NUDT7: variants seen among roughly 807,000 people sequenced by gnomAD.
NUDT7 encodes peroxisomal coenzyme A diphosphatase NUDT7.
Under a neutral mutation model 13.1 loss-of-function variants are expected in NUDT7, and 19 were observed. The ratio of observed to expected loss-of-function variants is 1.45; its 90% confidence interval spans 1.01 to 2.13. The LOEUF (loss-of-function observed/expected upper bound fraction) is 2.13. NUDT7 is among the 30% of genes most tolerant of loss of function. NUDT7 has a pLI of 0.00. For missense variants in NUDT7, 360 were observed against 291.7 expected (o/e 1.23, Z -1.71); for synonymous variants, 132 against 109.7 (o/e 1.20, Z -1.27).
chr16:77,729,208 A>C (rs2014236072), intron 2 of NUDT7, among the ~76,000 whole-genome samples: 1 of 152,206 alleles, frequency 6.6e-6, no homozygotes, highest in South Asian at 2.1e-4. Flanking sequence ...TTTTCTTCAA[A>C]ACAGCGTAAT....
intron 3 of NUDT7, 138 bp downstream of exon 3, chr16:77,736,124 A>G: frequency 3.9e-6 from 3 of 777,886 alleles, no homozygotes; most frequent in Non-Finnish European, 6.1e-6. Context: ...TCCTACAGAC[A>G]TTGCCCCTCA....
At position 77,725,571 on chromosome 16, in the gene NUDT7, T is replaced by G. The variant is rs2014108022; in HGVS notation, c.176T>G (p.Val59Gly). The G allele has an allele frequency of 6.2e-7, 1 of 1,613,910 alleles. No individual in the cohort carries two copies. The highest frequency in any genetic ancestry group is 1.7e-5 in the Admixed American group (1 of 59,990). ...KEGKLHLLFT[V>G]RSEKLRRAPG... ...GGAAAACTCCATTTGTTGTTCACCGTCCGGTCAGAGAAGGTAGGTGGACAA... is the reference window on the plus strand; with the variant it reads ...GGAAAACTCCATTTGTTGTTCACCGGCCGGTCAGAGAAGGTAGGTGGACAA... Residue 59 changes from valine to glycine, a missense_variant, in exon 2 of 4, where the codon GTC becomes GGC. Val to Gly is a moderately radical substitution (Grantham distance 109, BLOSUM62 -3). Coordinates refer to ENST00000268533, the MANE Select transcript of NUDT7 (RefSeq NM_001105663.3).
intron 3 of NUDT7, among the ~76,000 whole-genome samples, chr16:77,740,981 T>C (rs2014640963): frequency 6.6e-6 from 1 of 152,236 alleles, no homozygotes; most frequent in African/African-American, 2.4e-5. Context: ...TATGTGTATG[T>C]ACTATGAAAT....
chr16:77,741,889 T>C lies in NUDT7; in HGVS notation c.656T>C (p.Val219Ala), dbSNP rs1389324370. 8 of 1,613,876 alleles carry C rather than the reference T, an allele frequency of 5.0e-6. No homozygotes were observed. Among genetic ancestry groups the C allele is most frequent in the Non-Finnish European group, 6.8e-6 (8 of 1,179,974 alleles). Reference protein sequence around the residue: ...TFEVQFNLNDVLASSEELFLK... With the variant: ...TFEVQFNLNDALASSEELFLK... Reference sequence around the variant, plus strand: ...GAGGTTCAATTTAATCTTAATGATGTATTAGCATCCTCTGAAGAGTTATTC... The same window carrying C: ...GAGGTTCAATTTAATCTTAATGATGCATTAGCATCCTCTGAAGAGTTATTC... The change falls in exon 4 of 4, where the codon GTA (valine) becomes GCA (alanine). Residue 219 changes from valine to alanine, a missense_variant. By Grantham distance (64) the Val-to-Ala change is moderately conservative. Transcript: ENST00000268533.
At chr16:77,724,954 T>A (rs144923309) in intron 1 of NUDT7, among the ~76,000 whole-genome samples, 8 of 152,254 alleles carry the variant, frequency 5.3e-5, no homozygotes, top group African/African-American at 1.9e-4. Context: ...AACCTCGCAG[T>A]CTATGTGACA....
intron 3 of NUDT7, among the ~76,000 whole-genome samples, chr16:77,739,062 C>T (rs1186340426): frequency 2.0e-5 from 3 of 152,202 alleles, no homozygotes; most frequent in Non-Finnish European, 2.9e-5. Flanking sequence ...ATTTACTGAG[C>T]ATACATTGTT....
chr16:77,723,048 C>T (rs1238627576), intron 1 of NUDT7, among the ~76,000 whole-genome samples: 1 of 152,168 alleles, frequency 6.6e-6, no homozygotes, highest in Non-Finnish European at 1.5e-5. Context: ...ACTTGCCGGG[C>T]TGTTGTGAGG....
intron 2 of NUDT7, among the ~76,000 whole-genome samples, chr16:77,732,405 A>G (rs1261569082): frequency 6.6e-6 from 1 of 152,160 alleles, no homozygotes; most frequent in Non-Finnish European, 1.5e-5. Flanking sequence ...AGTCTAGAGC[A>G]GTGTTTAATG....
chr16:77,740,019 T>C (rs1400289566), intron 3 of NUDT7, among the ~76,000 whole-genome samples: 3 of 152,110 alleles, frequency 2.0e-5, no homozygotes, highest in Non-Finnish European at 2.9e-5. Context: ...TCTTAAAAAA[T>C]CACTTGCATC....
At chr16:77,738,701 A>C (rs2014566100) in intron 3 of NUDT7, among the ~76,000 whole-genome samples, 1 of 152,172 alleles carries the variant, frequency 6.6e-6, no homozygotes, top group Non-Finnish European at 1.5e-5. Flanking sequence ...CAGCCTCCAG[A>C]GTAGCTACCT....
intron 3 of NUDT7, among the ~76,000 whole-genome samples, chr16:77,739,679 C>T (rs963320123): frequency 1.3e-5 from 2 of 152,154 alleles, no homozygotes; most frequent in South Asian, 2.1e-4. Flanking sequence ...TACCCAGCCC[C>T]TATTCAAGAT....
intron 2 of NUDT7, among the ~76,000 whole-genome samples, chr16:77,733,289 A>C (rs2145118381): frequency 6.6e-6 from 1 of 152,334 alleles, no homozygotes; most frequent in Admixed American, 6.5e-5. Flanking sequence ...TGGGAAGTCC[A>C]AGATCAAGCT....
At chr16:77,736,025 C>G (rs757887899) in intron 3 of NUDT7, 39 bp downstream of exon 3, 1 of 1,584,660 alleles carries the variant, frequency 6.3e-7, no homozygotes, top group South Asian at 1.1e-5. Flanking sequence ...ACCGTCCCCA[C>G]CCCCAGGTGG....
intron 2 of NUDT7, among the ~76,000 whole-genome samples, chr16:77,730,817 A>G (rs957663858): frequency 2.6e-5 from 4 of 152,010 alleles, no homozygotes; most frequent in African/African-American, 9.7e-5. Flanking sequence ...GGTGTGACGT[A>G]ATGTCTCTCT....
At chr16:77,734,428 T>C (rs990149928) in intron 2 of NUDT7, among the ~76,000 whole-genome samples, 4 of 152,016 alleles carry the variant, frequency 2.6e-5, no homozygotes, top group Non-Finnish European at 5.9e-5. Flanking sequence ...TCGAGACCAG[T>C]CTGGCTAACA....
intron 3 of NUDT7, among the ~76,000 whole-genome samples, chr16:77,740,898 CA>C (rs1035621489): frequency 3.3e-4 from 50 of 152,184 alleles, no homozygotes; most frequent in African/African-American, 1.2e-3. Context: ...ATCCCTCTCC[CA>C]TGTAATATAT....
intron 2 of NUDT7, among the ~76,000 whole-genome samples, chr16:77,728,898 TC>T (rs1167797888): frequency 6.7e-6 from 1 of 148,416 alleles, no homozygotes; most frequent in African/African-American, 2.5e-5. Flanking sequence ...CCTGCTCTTC[TC>T]CCCCACACCC....
At chr16:77,727,957 G>A (rs1023032720) in intron 2 of NUDT7, among the ~76,000 whole-genome samples, 13 of 151,912 alleles carry the variant, frequency 8.6e-5, no homozygotes, top group Admixed American at 2.6e-4. Context: ...CTCAACCAAC[G>A]GGGTCTCTAG....
intron 2 of NUDT7, chr16:77,735,487 C>G (rs1286671643): frequency 6.4e-6 from 4 of 627,210 alleles, no homozygotes; most frequent in Admixed American, 5.0e-5. Flanking sequence ...GCATCATGCT[C>G]CCTGTACGGC....
Sources: allele counts gnomAD v4.1 joint callset (sites outside exome capture counted in the v4.1 genomes callset), GRCh38; gene constraint gnomAD v4.1.1; transcripts MANE v1.5; gene names NCBI Gene and HGNC (gene_info 2026-07-23, HGNC 2026-07-21).